The following TRIM9 variants were observed in gnomAD, a reference collection of about 807,000 sequenced individuals.
TRIM9 encodes the protein E3 ubiquitin-protein ligase TRIM9.
Under a neutral mutation model 78.3 loss-of-function variants are expected in TRIM9, and 26 were observed. That is an observed-to-expected ratio of 0.33 (90% confidence interval 0.24 to 0.46). TRIM9 has a LOEUF of 0.46. Among genes scored for constraint, TRIM9 ranks in the 20% least tolerant of loss-of-function variants. TRIM9 has a pLI of 1.00. For missense variants in TRIM9, 787 were observed against 1,036.4 expected (o/e 0.76, Z 3.30); for synonymous variants, 398 against 416.5 (o/e 0.96, Z 0.54).
intron 6 of TRIM9, among the ~76,000 whole-genome samples, chr14:50,999,140 C>T (rs761584746): frequency 2.3e-4 from 35 of 151,950 alleles, no homozygotes; most frequent in Admixed American, 4.6e-4. Flanking sequence ...TTAACAAGTT[C>T]CCAGGTGAAA....
intron 1 of TRIM9, among the ~76,000 whole-genome samples, chr14:51,064,607 T>C (rs1482222231): frequency 1.3e-5 from 2 of 151,348 alleles, no homozygotes; most frequent in East Asian, 3.9e-4. Flanking sequence ...TTCTGAAAAA[T>C]ACTAATCAAG....
intron 1 of TRIM9, among the ~76,000 whole-genome samples, chr14:51,033,236 G>A (rs563533185): frequency 2.6e-5 from 4 of 152,052 alleles, no homozygotes; most frequent in African/African-American, 9.7e-5. Context: ...GGGACTACAG[G>A]TGTGTGCCAC....
chr14:50,975,918 T>C lies in TRIM9; in HGVS notation c.*1373A>G, dbSNP rs2051059034. 6.5e-6 allele frequency: 1 copy of C among 152,672 alleles called. No individual in the cohort carries two copies. Among genetic ancestry groups the C allele is most frequent in the African/African-American group, 2.4e-5 (1 of 41,470 alleles). The allele number at this position is 152,672 out of a possible 1,614,324, so 9.5% of individuals were successfully genotyped here. On this transcript the variant is annotated 3_prime_UTR_variant, in exon 13 of 13. Transcript: ENST00000684578. Reference sequence around the variant, plus strand: ...GTCATAGTAATGACATACAGTCCCATGTTTTTCCAAACATTGTTTGGACTA... The same window carrying C: ...GTCATAGTAATGACATACAGTCCCACGTTTTTCCAAACATTGTTTGGACTA...
intron 1 of TRIM9, among the ~76,000 whole-genome samples, chr14:51,065,871 G>C (rs1368221036): frequency 6.6e-6 from 1 of 152,034 alleles, no homozygotes; most frequent in East Asian, 1.9e-4. Flanking sequence ...ATTTATAAGT[G>C]AGTTTACACA....
chr14:51,061,757 C>T (rs942774556), intron 1 of TRIM9, among the ~76,000 whole-genome samples: 1 of 152,174 alleles, frequency 6.6e-6, no homozygotes, highest in East Asian at 1.9e-4. Flanking sequence ...TTTACATACA[C>T]AATCCAGTTG....
At chr14:51,007,695 A>G (rs982763923) in intron 5 of TRIM9, among the ~76,000 whole-genome samples, 1 of 152,188 alleles carries the variant, frequency 6.6e-6, no homozygotes, top group East Asian at 1.9e-4. Context: ...AGCACTCAAT[A>G]AATGCTAAAC....
chr14:51,007,556 C>T (rs1161304066), intron 5 of TRIM9, among the ~76,000 whole-genome samples: 1 of 152,202 alleles, frequency 6.6e-6, no homozygotes, highest in African/African-American at 2.4e-5. Context: ...GGCCTTGCCA[C>T]TCACTAGCTG....
intron 1 of TRIM9, among the ~76,000 whole-genome samples, chr14:51,032,448 C>A (rs937630940): frequency 2.0e-5 from 3 of 152,220 alleles, no homozygotes; most frequent in Non-Finnish European, 4.4e-5. Flanking sequence ...AACTAACTGC[C>A]TTACTGAAAG....
intron 1 of TRIM9, among the ~76,000 whole-genome samples, chr14:51,043,071 T>C (rs1300416604): frequency 2.0e-5 from 3 of 152,254 alleles, no homozygotes; most frequent in African/African-American, 7.2e-5. Context: ...TTTCTTCCTC[T>C]GAATTTCTAA....
rs191691017 is a variant in TRIM9, at chr14:50,985,876, T to A, written c.1792+80A>T. On this transcript the variant is annotated intron_variant, in intron 8 of 12. Transcript: ENST00000684578. ...TCATCCCCCTCACCACGCACATGAA[T>A]GGCAAGAACAAGACACGCGTTTCAG... 536 of 1,264,850 alleles carry A rather than the reference T, an allele frequency of 4.2e-4. 6 individuals are homozygous for A. The Admixed American group carries it at 0.016, about 38-fold the overall frequency. 78.4% of individuals were successfully genotyped at this position (1,264,850 alleles called of 1,614,324 possible). A position where few individuals can be genotyped will look rare whatever the true frequency, so the allele number is the denominator to read the frequency against.
intron 1 of TRIM9, among the ~76,000 whole-genome samples, chr14:51,039,984 C>T (rs996898017): frequency 6.6e-6 from 1 of 152,016 alleles, no homozygotes; most frequent in Non-Finnish European, 1.5e-5. Context: ...GGGGTTTCAC[C>T]GTGTTAGCCA....
chr14:50,979,469 T>C lies in TRIM9; in HGVS notation c.2243A>G (p.Asn748Ser). The C allele has an allele frequency of 6.2e-7, 1 of 1,614,210 alleles. No individual in the cohort carries two copies. Among genetic ancestry groups the C allele is most frequent in the South Asian group, 1.1e-5 (1 of 91,078 alleles). The change falls in exon 12 of 13, where the codon AAC becomes AGC. Residue 748 changes from asparagine (N) to serine (S), a missense_variant. Physicochemically the swap from Asn to Ser is conservative, Grantham distance 46. Coordinates refer to ENST00000684578, the MANE Select transcript of TRIM9 (RefSeq NM_001387360.1). ...TGCTATGGGACCTTGTTGTTCATCG[T>C]TGATAAAAAATGTCAAGTTTTTTCT... ...LNRKNLTFFI[N>S]DEQQGPIAFD...
intron 1 of TRIM9, among the ~76,000 whole-genome samples, chr14:51,093,533 G>C (rs2140396292): frequency 6.6e-6 from 1 of 152,358 alleles, no homozygotes; most frequent in Middle Eastern, 3.4e-3. Context: ...TGAGCACGTG[G>C]CACCAGGACC....
At chr14:51,032,283 C>A (rs1387837943) in intron 1 of TRIM9, among the ~76,000 whole-genome samples, 1 of 152,186 alleles carries the variant, frequency 6.6e-6, no homozygotes, top group African/African-American at 2.4e-5. Context: ...GGTGGCATTT[C>A]ACTAGTTGTG....
At position 50,983,389 on chromosome 14, in the gene TRIM9, A is replaced by G. The variant is rs199613048; in HGVS notation, c.1825T>C (p.Ser609Pro). The G allele has an allele frequency of 6.4e-5, 99 of 1,542,860 alleles. No homozygotes were observed. The highest frequency in any genetic ancestry group is 8.1e-5 in the Non-Finnish European group (93 of 1,142,216). Reference protein sequence around the residue: ...CNFETQSAPYSQLVDIKKLLA... With the variant: ...CNFETQSAPYPQLVDIKKLLA... ...CAATAGGTATACTTGCCTAATTGAGAGTAAGGTGCAGATTGTGTCTCAAAA... is the reference window on the plus strand; with the variant it reads ...CAATAGGTATACTTGCCTAATTGAGGGTAAGGTGCAGATTGTGTCTCAAAA... The change falls in exon 9 of 13, where the codon TCT becomes CCT. Residue 609 changes from serine to proline, a missense_variant. By Grantham distance (74) the Ser-to-Pro change is moderately conservative. Around this residue, in one of 3 missense-constraint regions of TRIM9, gnomAD observed 421 missense variants for 514.3 expected, o/e 0.82. Coordinates refer to ENST00000684578, the MANE Select transcript of TRIM9 (RefSeq NM_001387360.1).
At chr14:50,982,338 C>T in intron 10 of TRIM9, 2 of 565,070 alleles carry the variant, frequency 3.5e-6, no homozygotes, top group South Asian at 4.2e-5. Context: ...TCAGACTGCA[C>T]TCCCAACCAG....
intron 1 of TRIM9, among the ~76,000 whole-genome samples, chr14:51,070,515 GA>G (rs1381336086): frequency 7.4e-6 from 1 of 134,264 alleles, no homozygotes; most frequent in Non-Finnish European, 1.6e-5. Context: ...AAGTGTTTCA[GA>G]TTTTTTTTTT....
chr14:51,078,341 A>C (rs2062990053), intron 1 of TRIM9, among the ~76,000 whole-genome samples: 1 of 152,264 alleles, frequency 6.6e-6, no homozygotes, highest in Non-Finnish European at 1.5e-5. Context: ...CAATATTTAT[A>C]CAAATTTTAT....
At chr14:51,031,696 T>G (rs1029380843) in intron 1 of TRIM9, among the ~76,000 whole-genome samples, 9 of 152,216 alleles carry the variant, frequency 5.9e-5, no homozygotes, top group Non-Finnish European at 1.2e-4. Context: ...TTTTACACAT[T>G]AAAATCTTTC....
Sources: allele counts gnomAD v4.1 joint callset (sites outside exome capture counted in the v4.1 genomes callset), GRCh38; gene constraint gnomAD v4.1.1; regional missense constraint gnomAD v4.1.1; transcripts MANE v1.5; gene names NCBI Gene and HGNC (gene_info 2026-07-23, HGNC 2026-07-21).